Variants in MAGI2 observed in about 807,000 individuals in gnomAD.
MAGI2 encodes the protein membrane-associated guanylate kinase, WW and PDZ domain-containing protein 2.
Under a neutral mutation model 133.3 loss-of-function variants are expected in MAGI2, and 35 were observed. The observed-to-expected ratio is 0.26, with a 90% confidence interval of 0.20 to 0.35. The LOEUF (loss-of-function observed/expected upper bound fraction) is 0.35, where lower values mean the gene tolerates loss of function less well. MAGI2 is among the 10% of genes least tolerant of loss of function. MAGI2 has a pLI of 1.00. For synonymous variants in MAGI2, 729 were observed against 710.6 expected (o/e 1.03, Z -0.41); for missense variants, 1,636 against 1,863.4 (o/e 0.88, Z 2.25).
intron 10 of MAGI2, among the ~76,000 whole-genome samples, chr7:78,205,286 C>A (rs576452966): frequency 2.8e-4 from 42 of 152,268 alleles, no homozygotes; most frequent in African/African-American, 8.7e-4. Flanking sequence ...CATCTGCCAC[C>A]ACACCCAGCT....
intron 1 of MAGI2, among the ~76,000 whole-genome samples, chr7:79,020,320 T>C (rs911542519): frequency 1.3e-5 from 2 of 152,218 alleles, no homozygotes; most frequent in Admixed American, 6.5e-5. Context: ...TTCAGTGTTA[T>C]GTATTCACAA....
intron 2 of MAGI2, among the ~76,000 whole-genome samples, chr7:78,800,606 A>T (rs368598904): frequency 2.0e-5 from 3 of 152,192 alleles, no homozygotes; most frequent in East Asian, 3.8e-4. Context: ...TTGGTCTATT[A>T]TACATTTACA....
intron 21 of MAGI2, among the ~76,000 whole-genome samples, chr7:78,044,551 C>A (rs367908962): frequency 6.6e-6 from 1 of 152,024 alleles, no homozygotes; most frequent in Non-Finnish European, 1.5e-5. Flanking sequence ...CTGGTTAGTA[C>A]GACAGTACAC....
At chr7:78,586,039 T>C (rs1456167053) in intron 3 of MAGI2, among the ~76,000 whole-genome samples, 1 of 152,204 alleles carries the variant, frequency 6.6e-6, no homozygotes, top group East Asian at 1.9e-4. Flanking sequence ...CTGGCTGTAT[T>C]ACCTGCATTA....
chr7:78,103,963 A>G (rs1011752131), intron 20 of MAGI2, among the ~76,000 whole-genome samples: 5 of 152,216 alleles, frequency 3.3e-5, no homozygotes, highest in African/African-American at 1.2e-4. Context: ...CCAAAACACA[A>G]CAAATACCTC....
intron 2 of MAGI2, among the ~76,000 whole-genome samples, chr7:78,841,180 T>A (rs1792114174): frequency 6.6e-6 from 1 of 152,048 alleles, no homozygotes. Flanking sequence ...CATTGCTTAG[T>A]CATACACTGA....
chr7:78,706,173 G>A (rs1383268180), intron 2 of MAGI2, among the ~76,000 whole-genome samples: 1 of 151,916 alleles, frequency 6.6e-6, no homozygotes. Flanking sequence ...AACTTTAATT[G>A]TATCTCCCAG....
At position 78,597,951 on chromosome 7, in the gene MAGI2, A is replaced by G. The variant is rs544278909; in HGVS notation, c.538+29169T>C. Among the ~76,000 whole-genome samples the G allele has an allele frequency of 8.5e-5, 13 of 152,182 alleles. No individual in the cohort carries two copies. In the East Asian group the frequency reaches 2.5e-3, roughly 29 times the overall value. ...GAAAAATAGGCATGTGACATTCTTC[A>G]TTTTGTAATCACTATAGTAAGTGAC... On this transcript the variant is annotated intron_variant, in intron 3 of 21. Transcript: ENST00000354212.
intron 2 of MAGI2, among the ~76,000 whole-genome samples, chr7:78,925,159 C>T (rs188299344): frequency 6.3e-4 from 96 of 152,062 alleles, no homozygotes; most frequent in African/African-American, 2.0e-3. Flanking sequence ...AATATATTGG[C>T]CAGAACTCCA....
chr7:78,770,744 C>T (rs1193920857), intron 2 of MAGI2: 1 of 152,156 alleles, frequency 6.6e-6, no homozygotes, highest in Non-Finnish European at 1.5e-5. Context: ...GCACTGCTTT[C>T]CCCAGGGGTT....
rs1212471806 is a variant in MAGI2 at position 79,007,178 on chromosome 7, G to C, written c.330C>G (p.His110Gln). The C allele has an allele frequency of 1.2e-6, 2 of 1,610,448 alleles. No individual in the cohort carries two copies. The highest frequency in any genetic ancestry group is 1.7e-6 in the Non-Finnish European group (2 of 1,178,770). The change falls in exon 2 of 22, where the codon CAC becomes CAG. Residue 110 changes from histidine (H) to glutamine (Q), a missense_variant. Physicochemically the swap from His to Gln is conservative, Grantham distance 24 (BLOSUM62 0). Around this residue, in one of 5 missense-constraint regions of MAGI2, gnomAD observed 148 missense variants for 239.0 expected, o/e 0.62. Transcript: ENST00000354212. ...CCTTTTGAAATCGTAAGTTGAGGTA[G>C]TGACGAAGGTCTTTATCAACAATTC... ...QGGIVDKDLRHYLNLRFQKGS... is the reference protein window; with the variant it reads ...QGGIVDKDLRQYLNLRFQKGS...
chr7:79,439,388 A>G (rs1053789962), intron 1 of MAGI2, among the ~76,000 whole-genome samples: 46 of 152,060 alleles, frequency 3.0e-4, no homozygotes, highest in African/African-American at 1.1e-3. Flanking sequence ...GTCCCATCAT[A>G]AGGAAGCGAT....
intron 6 of MAGI2, among the ~76,000 whole-genome samples, chr7:78,441,654 GA>G (rs5885063): frequency 6.8e-5 from 10 of 146,712 alleles, no homozygotes; most frequent in African/African-American, 2.2e-4. Context: ...TAATTTTAAG[GA>G]AAAAAAAAAG....
chr7:79,138,836 T>C (rs11976826), intron 1 of MAGI2, among the ~76,000 whole-genome samples: 1,731 of 152,014 alleles, frequency 0.011, 27 homozygotes, highest in African/African-American at 0.039. Context: ...AAACCCTGTC[T>C]CTACTAAAAA....
chr7:78,057,973 A>ATGTGTGTG (rs1364096782), intron 21 of MAGI2, among the ~76,000 whole-genome samples: 3 of 70,802 alleles, frequency 4.2e-5, no homozygotes, highest in African/African-American at 2.3e-4. Flanking sequence ...TTTTATATAT[A>ATGTGTGTG]TGTGTATATA....
intron 1 of MAGI2, among the ~76,000 whole-genome samples, chr7:79,278,847 AT>A (rs1036008490): frequency 5.9e-5 from 9 of 151,954 alleles, no homozygotes; most frequent in Non-Finnish European, 1.0e-4. Context: ...TTCTTTGAAC[AT>A]TTTTTTTCCT....
chr7:78,310,193 T>C (rs1043503973), intron 9 of MAGI2, among the ~76,000 whole-genome samples: 1 of 152,092 alleles, frequency 6.6e-6, no homozygotes, highest in African/African-American at 2.4e-5. Context: ...TCCCAGCACT[T>C]TGAGAGGCAG....
chr7:79,053,025 G>C (rs1033021312), intron 1 of MAGI2, among the ~76,000 whole-genome samples: 23 of 152,244 alleles, frequency 1.5e-4, no homozygotes, highest in African/African-American at 5.1e-4. Flanking sequence ...CCAGGCTGGA[G>C]TGCAGGGTGC....
At chr7:78,746,011 A>G (rs543009524) in intron 2 of MAGI2, among the ~76,000 whole-genome samples, 15 of 152,232 alleles carry the variant, frequency 9.9e-5, no homozygotes, top group African/African-American at 3.6e-4. Context: ...TATTTCCTCT[A>G]TATACCATCT....
Sources: allele counts gnomAD v4.1 joint callset (sites outside exome capture counted in the v4.1 genomes callset), GRCh38; gene constraint gnomAD v4.1.1; regional missense constraint gnomAD v4.1.1; transcripts MANE v1.5; gene names NCBI Gene and HGNC (gene_info 2026-07-23, HGNC 2026-07-21).